Variants in IGSF21 observed in about 807,000 individuals in gnomAD.
The protein encoded by IGSF21 is immunoglobulin superfamily member 21.
A neutral mutation model predicts 46.8 loss-of-function variants in IGSF21; 28 were observed. The ratio of observed to expected loss-of-function variants is 0.60; its 90% confidence interval spans 0.44 to 0.82. The LOEUF is 0.82. IGSF21 is among the 40% of genes least tolerant of loss of function. The probability of loss-of-function intolerance (pLI) is 0.00; values close to 1 mark genes in which losing one functional copy is unlikely to be tolerated. For missense variants in IGSF21, 624 were observed against 665.5 expected (o/e 0.94, Z 0.69); for synonymous variants, 284 against 273.6 (o/e 1.04, Z -0.38).
At chr1:18,330,042 T>C (rs1272150529) in intron 3 of IGSF21, among the ~76,000 whole-genome samples, 5 of 152,312 alleles carry the variant, frequency 3.3e-5, no homozygotes, top group African/African-American at 9.6e-5. Context: ...TTATTAATAG[T>C]TTATTGATCA....
intron 1 of IGSF21, among the ~76,000 whole-genome samples, chr1:18,143,100 G>A (rs1043935212): frequency 4.6e-5 from 7 of 152,232 alleles, no homozygotes; most frequent in Non-Finnish European, 4.4e-5. Context: ...AACAGCAGAT[G>A]TCTGCGGTTC....
rs534012316 is a variant in IGSF21, at chr1:18,337,380, A to T, written c.424+2370A>T. ...TTGCAGAACGCCTACCTCATCAAGA[A>T]TATCATTGAAGAGCTCAGTTACTTG... On this transcript the variant is annotated intron_variant, in intron 4 of 9. Coordinates refer to ENST00000251296, the MANE Select transcript of IGSF21 (RefSeq NM_032880.5). The surrounding 1 kb of genome is among the most constrained non-coding windows in gnomAD (Gnocchi z 5.7). Among the ~76,000 whole-genome samples, 1 of 152,168 alleles carries T rather than the reference A, an allele frequency of 6.6e-6. No homozygotes were observed. Among genetic ancestry groups the T allele is most frequent in the East Asian group, 1.9e-4 (1 of 5,192 alleles).
At position 18,148,494 on chromosome 1, in the gene IGSF21, T is replaced by C. The variant is rs1243219199; in HGVS notation, c.70+40296T>C. On this transcript the variant is annotated intron_variant, in intron 1 of 9. Coordinates refer to ENST00000251296, the MANE Select transcript of IGSF21 (RefSeq NM_032880.5). ...ATACAACACTGAAGCCCGGAGAAGC[T>C]AAGTCACTTGCCCAAGGCCACACAG... Among the ~76,000 whole-genome samples the C allele has an allele frequency of 2.6e-5, 4 of 152,316 alleles. No individual in the cohort carries two copies. The East Asian group carries it at 7.7e-4, about 29-fold the overall frequency.
chr1:18,329,060 G>C (rs2085685849), intron 3 of IGSF21, among the ~76,000 whole-genome samples: 1 of 152,194 alleles, frequency 6.6e-6, no homozygotes, highest in African/African-American at 2.4e-5. Flanking sequence ...GCAAGCCTCA[G>C]AATAGAGACA....
At chr1:18,207,443 T>G (rs2084339929) in intron 1 of IGSF21, among the ~76,000 whole-genome samples, 4 of 152,318 alleles carry the variant, frequency 2.6e-5, no homozygotes, top group Middle Eastern at 6.8e-3. Context: ...CCACCTCATG[T>G]GAGGCATGGT....
At chr1:18,182,824 C>T (rs2086869599) in intron 1 of IGSF21, among the ~76,000 whole-genome samples, 1 of 152,208 alleles carries the variant, frequency 6.6e-6, no homozygotes. Context: ...TCCGAAGCCT[C>T]TCCACCTGGT....
intron 2 of IGSF21, among the ~76,000 whole-genome samples, chr1:18,289,574 G>A (rs2085247238): frequency 6.6e-6 from 1 of 152,188 alleles, no homozygotes; most frequent in South Asian, 2.1e-4. Context: ...CTGTTCCCAG[G>A]GACCTGGTAC....
At chr1:18,227,429 A>C (rs140210484) in intron 1 of IGSF21, among the ~76,000 whole-genome samples, 160 of 152,156 alleles carry the variant, frequency 1.1e-3, no homozygotes, top group Non-Finnish European at 2.1e-3. Context: ...AGGTTTGGAA[A>C]TGCCAAGTAA....
chr1:18,363,778 C>T (rs1244873877), intron 5 of IGSF21, among the ~76,000 whole-genome samples: 1 of 139,516 alleles, frequency 7.2e-6, no homozygotes, highest in Admixed American at 7.2e-5. Context: ...TGCAGAGGCA[C>T]AGGTGGGATT....
At chr1:18,314,245 A>G (rs2085517975) in intron 3 of IGSF21, among the ~76,000 whole-genome samples, 1 of 151,412 alleles carries the variant, frequency 6.6e-6, no homozygotes, top group South Asian at 2.1e-4. Context: ...TGATAAACCT[A>G]TTCTCCTGCA....
At chr1:18,328,917 T>C (rs1426005365) in intron 3 of IGSF21, among the ~76,000 whole-genome samples, 2 of 152,174 alleles carry the variant, frequency 1.3e-5, no homozygotes, top group Non-Finnish European at 2.9e-5. Context: ...GCACAGGACT[T>C]GCTCAGCAAA....
At chr1:18,262,373 T>C (rs144810362) in intron 2 of IGSF21, among the ~76,000 whole-genome samples, 1,807 of 152,310 alleles carry the variant, frequency 0.012, 17 homozygotes, top group Non-Finnish European at 0.019. Flanking sequence ...ATGAACACTG[T>C]GGCATCTGCT....
Position 18,264,305 on chromosome 1 carries a change from G to T in IGSF21, c.184-27561G>T, listed in dbSNP as rs192456517. 8.5e-5 allele frequency among the ~76,000 whole-genome samples: 13 copies of T among 152,182 alleles called. No homozygotes were observed. In the East Asian group the frequency reaches 2.5e-3, roughly 29 times the overall value. On this transcript the variant is annotated intron_variant, in intron 2 of 9. Coordinates refer to ENST00000251296, the MANE Select transcript of IGSF21 (RefSeq NM_032880.5). ...CTTTTAGCATGCTTGCTTTCTGCCC[G>T]GCCCCCAACCCTTAAATTAAATGAG...
chr1:18,178,758 C>T (rs1306064189), intron 1 of IGSF21, among the ~76,000 whole-genome samples: 2 of 152,050 alleles, frequency 1.3e-5, no homozygotes, highest in Admixed American at 6.5e-5. Flanking sequence ...CTTCCCCTTC[C>T]CCCTACCCCA....
chr1:18,116,206 G>A (rs1158128179), intron 1 of IGSF21, among the ~76,000 whole-genome samples: 2 of 152,110 alleles, frequency 1.3e-5, no homozygotes, highest in East Asian at 3.9e-4. Flanking sequence ...TTCACACAAT[G>A]GAAATCGGCA....
At chr1:18,186,567 T>C (rs1393152926) in intron 1 of IGSF21, among the ~76,000 whole-genome samples, 1 of 152,174 alleles carries the variant, frequency 6.6e-6, no homozygotes, top group African/African-American at 2.4e-5. Context: ...TCTAACTGCA[T>C]CTCTTACCTC....
chr1:18,238,514 A>C (rs879350831), intron 2 of IGSF21, among the ~76,000 whole-genome samples: 3 of 152,168 alleles, frequency 2.0e-5, no homozygotes, highest in Non-Finnish European at 2.9e-5. Context: ...GTTTTTGACC[A>C]AGCAAATCCA....
chr1:18,258,920 A>C (rs1282060369), intron 2 of IGSF21, among the ~76,000 whole-genome samples: 2 of 152,226 alleles, frequency 1.3e-5, no homozygotes, highest in African/African-American at 4.8e-5. Context: ...ACCAGGCTTC[A>C]GTGCTCATCT....
Position 18,108,019 on chromosome 1 carries a change from G to T in IGSF21, c.-110G>T. The T allele has an allele frequency of 2.5e-6, 1 of 395,666 alleles. No individual in the cohort carries two copies. The highest frequency in any genetic ancestry group is 4.0e-6 in the Non-Finnish European group (1 of 249,820). 24.5% of individuals were successfully genotyped at this position (395,666 alleles called of 1,614,324 possible). On this transcript the variant is annotated 5_prime_UTR_variant, in exon 1 of 10. Coordinates refer to ENST00000251296, the MANE Select transcript of IGSF21 (RefSeq NM_032880.5). ...GCGGCTCTCCGCGCTGCCCGCCACCGCCTCGGCCAGTGGCCGGAGGCAGGA... is the reference window on the plus strand; with the variant it reads ...GCGGCTCTCCGCGCTGCCCGCCACCTCCTCGGCCAGTGGCCGGAGGCAGGA...
Sources: allele counts gnomAD v4.1 joint callset (sites outside exome capture counted in the v4.1 genomes callset), GRCh38; gene constraint gnomAD v4.1.1; non-coding constraint Gnocchi (gnomAD v3.1); transcripts MANE v1.5; gene names NCBI Gene and HGNC (gene_info 2026-07-23, HGNC 2026-07-21).